Variants in EBF3 observed in about 807,000 individuals in gnomAD.
EBF3 encodes the protein EBF transcription factor 3, also known as transcription factor COE3.
EBF3 carries 18 observed loss-of-function variants against 77.1 expected under a neutral mutation model. The ratio of observed to expected loss-of-function variants is 0.23; its 90% CI spans 0.16 to 0.35. The LOEUF (loss-of-function observed/expected upper bound fraction) is 0.35, where lower values mean the gene tolerates loss of function less well. Among genes scored for constraint, EBF3 ranks in the 10% least tolerant of loss-of-function variants. The pLI, the probability that EBF3 is intolerant of heterozygous loss-of-function variation, is 1.00. For missense variants in EBF3, 558 were observed against 860.0 expected, an observed-to-expected ratio of 0.65 and a Z score of 4.39; for synonymous variants, 350 against 343.5, an observed-to-expected ratio of 1.02 and a Z score of -0.21.
chr10:129,862,005 G>C (rs1371622190), intron 10 of EBF3, among the ~76,000 whole-genome samples: 1 of 152,140 alleles, frequency 6.6e-6, no homozygotes, highest in South Asian at 2.1e-4. Flanking sequence ...TAAGAACCAT[G>C]AGTGCTTTCA....
intron 6 of EBF3, among the ~76,000 whole-genome samples, chr10:129,878,406 C>T (rs11016994): frequency 0.062 from 9,358 of 152,054 alleles, 838 homozygotes; most frequent in African/African-American, 0.19. Flanking sequence ...GTTACAGTAG[C>T]GCCTGTAATC....
At chr10:129,910,283 C>T (rs1295670110) in intron 6 of EBF3, among the ~76,000 whole-genome samples, 6 of 152,218 alleles carry the variant, frequency 3.9e-5, no homozygotes, top group South Asian at 2.1e-4. Flanking sequence ...TTGGCCAGTA[C>T]GGGGCCTGAA....
chr10:129,845,922 T>C lies in EBF3; in HGVS notation c.1128+2470A>G, dbSNP rs969731394. The C allele has an allele frequency of 2.4e-4, 31 of 128,704 alleles. No homozygotes were observed. In the South Asian group the frequency reaches 3.2e-3, roughly 13 times the overall value. 8.0% of individuals were successfully genotyped at this position (128,704 alleles called of 1,614,324 possible). A position where few individuals can be genotyped will look rare whatever the true frequency, so the allele number is the denominator to read the frequency against. On this transcript the variant is annotated intron_variant, in intron 11 of 16. Transcript: ENST00000440978. ...TCCATGCATAAAATGTAATTTGTTT[T>C]TTCTGCTTTCATTTTTTTTTTTTTT...
At chr10:129,958,185 T>G (rs1859183307) in intron 5 of EBF3, among the ~76,000 whole-genome samples, 1 of 152,244 alleles carries the variant, frequency 6.6e-6, no homozygotes, top group South Asian at 2.1e-4. Flanking sequence ...ATATGTCTGC[T>G]CAGAAATGGC....
chr10:129,838,099 C>T (rs181526389), intron 16 of EBF3, 139 bp from the exon 17 acceptor site: 9 of 1,040,672 alleles, frequency 8.6e-6, no homozygotes, highest in East Asian at 5.2e-5. Flanking sequence ...CAGCCTCGGG[C>T]GTGGTTAGGG....
At chr10:129,898,138 G>A (rs1486327449) in intron 6 of EBF3, among the ~76,000 whole-genome samples, 2 of 152,194 alleles carry the variant, frequency 1.3e-5, no homozygotes, top group South Asian at 2.1e-4. Context: ...GTAATTAAAC[G>A]ATCATGTTTC....
chr10:129,890,911 A>G (rs1287210592), intron 6 of EBF3, among the ~76,000 whole-genome samples: 2 of 152,238 alleles, frequency 1.3e-5, no homozygotes, highest in Non-Finnish European at 2.9e-5. Flanking sequence ...GCCATCCTCA[A>G]TCTGCATGGA....
At chr10:129,953,206 TG>T (rs1238274662) in intron 6 of EBF3, among the ~76,000 whole-genome samples, 2 of 146,392 alleles carry the variant, frequency 1.4e-5, no homozygotes, top group African/African-American at 5.0e-5. Context: ...AGAGCTGAAA[TG>T]GGGGTAGTCA....
chr10:129,915,462 GCACA>G (rs3041735), intron 6 of EBF3, among the ~76,000 whole-genome samples: 72 of 139,718 alleles, frequency 5.2e-4, no homozygotes, highest in African/African-American at 1.1e-3. Flanking sequence ...GCGCACACAT[GCACA>G]CACACACACA....
chr10:129,874,148 T>C (rs1852594255), intron 7 of EBF3, among the ~76,000 whole-genome samples: 1 of 152,228 alleles, frequency 6.6e-6, no homozygotes, highest in Non-Finnish European at 1.5e-5. Flanking sequence ...ATGAACTTTT[T>C]TTCATCTGAA....
chr10:129,948,971 T>C (rs1429988841), intron 6 of EBF3, among the ~76,000 whole-genome samples: 1 of 152,174 alleles, frequency 6.6e-6, no homozygotes. Context: ...TTTAGGCCCC[T>C]GCCAGCCATA....
chr10:129,842,340 C>T lies in EBF3; in HGVS notation c.1195-47G>A. 6.5e-7 allele frequency: 1 copy of T among 1,532,892 alleles called. No homozygotes were observed. The highest frequency in any genetic ancestry group is 8.8e-7 in the Non-Finnish European group (1 of 1,141,370). 95.0% of individuals were successfully genotyped at this position (1,532,892 alleles called of 1,614,324 possible). The stretch of plus-strand genomic sequence containing the variant: ...GCCGGCCTGTCACCCCAGGCCCGGC[C>T]CAGCTGGCCGCACTCTCGGGGGCCC... On this transcript the variant is annotated intron_variant, in intron 12 of 16. Transcript: ENST00000440978. This position sits in a 1 kb window ranked among gnomAD's most constrained non-coding sequence, Gnocchi z 4.4.
At chr10:129,958,215 T>G (rs934269853) in intron 5 of EBF3, among the ~76,000 whole-genome samples, 1 of 152,240 alleles carries the variant, frequency 6.6e-6, no homozygotes, top group African/African-American at 2.4e-5. Context: ...ACCGGCATCA[T>G]AGCCAGGCGG....
intron 7 of EBF3, among the ~76,000 whole-genome samples, chr10:129,876,811 A>G (rs541098030): frequency 4.0e-5 from 6 of 151,778 alleles, no homozygotes; most frequent in African/African-American, 1.2e-4. Flanking sequence ...TAGCTTCCTA[A>G]TCATTCACAA....
In EBF3 at chr10:129,944,088, T is replaced by C. The variant is rs1858000253; in HGVS notation, c.554+13170A>G. On this transcript the variant is annotated intron_variant, in intron 6 of 16. Transcript: ENST00000440978. This position sits in a 1 kb window ranked among gnomAD's most constrained non-coding sequence, Gnocchi z 5.1. The stretch of plus-strand genomic sequence containing the variant: ...TTTACACCGTGGGAAAAGAAAAATA[T>C]CACCGTTCTAGTAATCAAGTTATTC... Among the ~76,000 whole-genome samples, 1 of 152,226 alleles carries C rather than the reference T, an allele frequency of 6.6e-6. No homozygotes were observed. The highest frequency in any genetic ancestry group is 2.1e-4 in the South Asian group (1 of 4,830).
intron 6 of EBF3, among the ~76,000 whole-genome samples, chr10:129,882,593 C>T (rs1853285016): frequency 6.6e-6 from 1 of 152,220 alleles, no homozygotes; most frequent in South Asian, 2.1e-4. Flanking sequence ...ATTAGCATAG[C>T]TAATTACAGC....
chr10:129,895,907 C>T (rs1214025494), intron 6 of EBF3, among the ~76,000 whole-genome samples: 1 of 152,134 alleles, frequency 6.6e-6, no homozygotes. Flanking sequence ...TTTGTAATGG[C>T]ATCATTTGGA....
At chr10:129,921,453 G>A (rs185326844) in intron 6 of EBF3, among the ~76,000 whole-genome samples, 24 of 152,292 alleles carry the variant, frequency 1.6e-4, no homozygotes, top group South Asian at 6.2e-4. Flanking sequence ...AGCTGCCGGC[G>A]TCCCCTGGGC....
intron 6 of EBF3, among the ~76,000 whole-genome samples, chr10:129,910,198 C>A (rs1855431007): frequency 6.6e-6 from 1 of 152,246 alleles, no homozygotes; most frequent in African/African-American, 2.4e-5. Context: ...TGAGTCCCCT[C>A]TGTGAAGGGA....
Sources: allele counts gnomAD v4.1 joint callset (sites outside exome capture counted in the v4.1 genomes callset), GRCh38; gene constraint gnomAD v4.1.1; non-coding constraint Gnocchi (gnomAD v3.1); transcripts MANE v1.5; gene names NCBI Gene and HGNC (gene_info 2026-07-23, HGNC 2026-07-21).